The following STK32B variants were observed in gnomAD, a reference collection of about 807,000 sequenced individuals.
STK32B encodes the protein serine/threonine kinase 32B.
STK32B carries 43 observed loss-of-function variants against 52.6 expected under a neutral mutation model. The observed-to-expected ratio is 0.82, with a 90% CI of 0.64 to 1.05. The LOEUF is 1.05. STK32B is among the 50% of genes least tolerant of loss of function. The pLI, the probability that STK32B is intolerant of heterozygous loss-of-function variation, is 0.00. For missense variants in STK32B, 621 were observed against 534.6 expected, an observed-to-expected ratio of 1.16 and a Z score of -1.59; for synonymous variants, 238 against 204.3, an observed-to-expected ratio of 1.17 and a Z score of -1.41.
chr4:5,134,774 G>A (rs573105437), intron 1 of STK32B, among the ~76,000 whole-genome samples: 2 of 152,202 alleles, frequency 1.3e-5, no homozygotes, highest in Non-Finnish European at 2.9e-5. Flanking sequence ...GGGCAGGAAC[G>A]GGATGTTTGC....
At chr4:5,493,917 A>C (rs1324422472) in intron 11 of STK32B, among the ~76,000 whole-genome samples, 1 of 152,214 alleles carries the variant, frequency 6.6e-6, no homozygotes, top group Non-Finnish European at 1.5e-5. Context: ...CCTGAGTTCT[A>C]GTTTGATAGC....
intron 6 of STK32B, among the ~76,000 whole-genome samples, chr4:5,421,493 G>A (rs938048881): frequency 2.0e-5 from 3 of 152,214 alleles, no homozygotes; most frequent in Non-Finnish European, 4.4e-5. Context: ...CCAAAGTGCT[G>A]GGACTGCAGG....
At chr4:5,167,156 G>A (rs1040261837) in intron 2 of STK32B, among the ~76,000 whole-genome samples, 1 of 151,962 alleles carries the variant, frequency 6.6e-6, no homozygotes, top group East Asian at 1.9e-4. Flanking sequence ...TTTTGATCCT[G>A]CGGAGAGCCT....
At chr4:5,067,896 AT>A (rs1219128433) in intron 1 of STK32B, among the ~76,000 whole-genome samples, 3 of 152,064 alleles carry the variant, frequency 2.0e-5, no homozygotes, top group Non-Finnish European at 4.4e-5. Flanking sequence ...GGTGCCACAC[AT>A]TTTTAAACAA....
chr4:5,231,857 AT>A (rs34896101), intron 3 of STK32B, among the ~76,000 whole-genome samples: 1 of 152,138 alleles, frequency 6.6e-6, no homozygotes, highest in Non-Finnish European at 1.5e-5. Flanking sequence ...CACAGCGGGT[AT>A]TTTTTGAGGT....
chr4:5,484,580 C>T (rs1468010828), intron 11 of STK32B, among the ~76,000 whole-genome samples: 1 of 152,104 alleles, frequency 6.6e-6, no homozygotes, highest in South Asian at 2.1e-4. Context: ...AGCATTTAGC[C>T]CATTTACATT....
chr4:5,176,598 C>G (rs1719923032), intron 3 of STK32B, among the ~76,000 whole-genome samples: 1 of 152,062 alleles, frequency 6.6e-6, no homozygotes, highest in Non-Finnish European at 1.5e-5. Flanking sequence ...CGCCTGCCAC[C>G]ACACGCAGTT....
At chr4:5,077,753 A>C (rs73089636) in intron 1 of STK32B, among the ~76,000 whole-genome samples, 118 of 152,200 alleles carry the variant, frequency 7.8e-4, no homozygotes, top group African/African-American at 2.7e-3. Context: ...TTTCCCTTAT[A>C]ACATCAGGGA....
intron 2 of STK32B, among the ~76,000 whole-genome samples, chr4:5,156,487 C>T (rs763133729): frequency 8.5e-5 from 13 of 152,162 alleles, no homozygotes; most frequent in Non-Finnish European, 1.6e-4. Flanking sequence ...CTTCACTCTC[C>T]ATTGGCTCCT....
intron 3 of STK32B, among the ~76,000 whole-genome samples, chr4:5,267,586 G>A (rs1203452923): frequency 2.0e-5 from 3 of 152,164 alleles, no homozygotes; most frequent in South Asian, 2.1e-4. Flanking sequence ...GCCCAGGGTC[G>A]CGCAGCAAGT....
At chr4:5,081,380 C>T (rs1247681279) in intron 1 of STK32B, among the ~76,000 whole-genome samples, 1 of 152,050 alleles carries the variant, frequency 6.6e-6, no homozygotes, top group Non-Finnish European at 1.5e-5. Flanking sequence ...AACCTTTAAG[C>T]TTCATGTATC....
At chr4:5,165,928 G>C (rs1315369686) in intron 2 of STK32B, among the ~76,000 whole-genome samples, 1 of 152,156 alleles carries the variant, frequency 6.6e-6, no homozygotes, top group African/African-American at 2.4e-5. Context: ...AGTGCCGCCT[G>C]GCACTCCCAC....
intron 4 of STK32B, among the ~76,000 whole-genome samples, chr4:5,341,161 T>C (rs1733050809): frequency 2.0e-5 from 3 of 152,184 alleles, no homozygotes; most frequent in African/African-American, 7.2e-5. Context: ...TTTCATCGAC[T>C]CCTCACATCC....
intron 4 of STK32B, among the ~76,000 whole-genome samples, chr4:5,336,436 C>A (rs564866277): frequency 6.6e-6 from 1 of 151,334 alleles, no homozygotes; most frequent in Non-Finnish European, 1.5e-5. Context: ...ATCCGAGCAA[C>A]GAAATAGAAA....
rs1719608237 is a variant in STK32B at position 5,490,271 on chromosome 4, T to C, written c.1107-8674T>C. On this transcript the variant is annotated intron_variant, in intron 11 of 11. Transcript: ENST00000282908. ...ACAGGTGTGTGCCACCATGCCCAGCTAATTTTTGTATTTTTAGTAGAGATG... is the reference window on the plus strand; with the variant it reads ...ACAGGTGTGTGCCACCATGCCCAGCCAATTTTTGTATTTTTAGTAGAGATG... 2.0e-5 allele frequency among the ~76,000 whole-genome samples: 3 copies of C among 152,078 alleles called. No homozygotes were observed. In the South Asian group the frequency reaches 6.2e-4, roughly 32 times the overall value.
At chr4:5,061,007 A>C (rs1311640857) in intron 1 of STK32B, among the ~76,000 whole-genome samples, 1 of 152,106 alleles carries the variant, frequency 6.6e-6, no homozygotes, top group African/African-American at 2.4e-5. Flanking sequence ...GTTTGTTGTT[A>C]GTGCTTCTTG....
chr4:5,145,744 C>T (rs942329308), intron 2 of STK32B, among the ~76,000 whole-genome samples: 6 of 152,092 alleles, frequency 3.9e-5, no homozygotes, highest in African/African-American at 9.7e-5. Flanking sequence ...TATCTGGATA[C>T]CAGTCTTTTG....
chr4:5,460,073 C>G lies in STK32B; in HGVS notation c.784-30C>G. 1.2e-6 allele frequency: 2 copies of G among 1,614,180 alleles called. No homozygotes were observed. Among genetic ancestry groups the G allele is most frequent in the Middle Eastern group, 1.7e-4 (1 of 6,054 alleles). ...CGCTAACCTTGAGGGATGCCCAATT[C>G]ATGGAAACTCATTTGCCCTCTAACT... On this transcript the variant is annotated intron_variant, in intron 8 of 11. Coordinates refer to ENST00000282908, the MANE Select transcript of STK32B (RefSeq NM_018401.3). This position sits in a 1 kb window ranked among gnomAD's most constrained non-coding sequence, Gnocchi z 4.8.
intron 3 of STK32B, among the ~76,000 whole-genome samples, chr4:5,318,216 G>A (rs67222414): frequency 0.12 from 17,945 of 152,068 alleles, 2,683 homozygotes; most frequent in African/African-American, 0.36. Context: ...ATTTCATGTA[G>A]GGATAAATGT....
Sources: allele counts gnomAD v4.1 joint callset (sites outside exome capture counted in the v4.1 genomes callset), GRCh38; gene constraint gnomAD v4.1.1; non-coding constraint Gnocchi (gnomAD v3.1); transcripts MANE v1.5; gene names NCBI Gene and HGNC (gene_info 2026-07-23, HGNC 2026-07-21).